Variants in RIC3 observed in about 807,000 individuals in gnomAD.
The protein encoded by RIC3 is RIC3 acetylcholine receptor chaperone.
In RIC3, 28 loss-of-function variants were observed where a neutral mutation model predicts 27.3. That is an observed-to-expected ratio of 1.02 (90% CI 0.76 to 1.41). RIC3 has a LOEUF of 1.41. Ranked by LOEUF, RIC3 falls within the 40% of genes most tolerant of loss-of-function variation. The pLI, the probability that RIC3 is intolerant of heterozygous loss-of-function variation, is 0.00. For synonymous variants in RIC3, 184 were observed against 160.4 expected (o/e 1.15, Z -1.11); for missense variants, 501 against 444.7 (o/e 1.13, Z -1.14).
chr11:8,149,483 G>A (rs1565094938), intron 1 of RIC3, among the ~76,000 whole-genome samples: 1 of 152,218 alleles, frequency 6.6e-6, no homozygotes, highest in African/African-American at 2.4e-5. Context: ...TGATGAGAAG[G>A]GTACTTGATG....
At chr11:8,167,750 TG>T in intron 1 of RIC3, among the ~76,000 whole-genome samples, 1 of 152,074 alleles carries the variant, frequency 6.6e-6, no homozygotes, top group East Asian at 1.9e-4. Flanking sequence ...TAAAAATCTT[TG>T]GGATTATTGC....
intron 5 of RIC3, among the ~76,000 whole-genome samples, chr11:8,122,199 C>A (rs1449380860): frequency 6.6e-6 from 1 of 152,144 alleles, no homozygotes; most frequent in Non-Finnish European, 1.5e-5. Context: ...TTTTCCATCA[C>A]CACAAGGACC....
chr11:8,101,668 C>T (rs1443908344), downstream of RIC3: 1 of 1,600,484 alleles, frequency 6.2e-7, no homozygotes, highest in Non-Finnish European at 8.5e-7. Flanking sequence ...CGGAGCTTGC[C>T]TGCCTGCCTG....
chr11:8,159,971 G>GA (rs1199911591), intron 1 of RIC3, among the ~76,000 whole-genome samples: 6 of 151,110 alleles, frequency 4.0e-5, no homozygotes, highest in African/African-American at 1.2e-4. Context: ...TCCAGCCTGA[G>GA]AAAAAACAAA....
chr11:8,097,518 T>C, the RIC3 span: 1 of 1,529,718 alleles, frequency 6.5e-7, no homozygotes, highest in Non-Finnish European at 9.0e-7. Context: ...TATCTACCAC[T>C]GACCTCTCAG....
chr11:8,115,327 G>C (rs566139077), intron 5 of RIC3, among the ~76,000 whole-genome samples: 1 of 150,204 alleles, frequency 6.7e-6, no homozygotes, highest in South Asian at 2.1e-4. Flanking sequence ...AAAAAAAAAA[G>C]GTCAACCAAG....
intron 1 of RIC3, among the ~76,000 whole-genome samples, chr11:8,165,457 T>C (rs568471590): frequency 2.0e-5 from 3 of 152,176 alleles, no homozygotes; most frequent in African/African-American, 7.2e-5. Context: ...ATGATTTCAT[T>C]TATACCAAAT....
chr11:8,149,799 T>C (rs1259705771), intron 1 of RIC3, among the ~76,000 whole-genome samples: 3 of 152,162 alleles, frequency 2.0e-5, no homozygotes, highest in Non-Finnish European at 4.4e-5. Flanking sequence ...AAACCACGAT[T>C]AGCCTTTCTT....
chr11:8,096,617 C>T, the RIC3 span: 1 of 1,033,182 alleles, frequency 9.7e-7, no homozygotes, highest in Admixed American at 1.7e-5. Context: ...GAGTATGTGA[C>T]CATGTGTATT....
rs965605699 is a variant in RIC3 at position 8,144,924 on chromosome 11, G to A, written c.125-4731C>T. Among the ~76,000 whole-genome samples the A allele has an allele frequency of 2.6e-3, 383 of 145,570 alleles. 4 individuals are homozygous for A. The highest frequency in any genetic ancestry group is 4.5e-3 in the Non-Finnish European group (298 of 66,566). ...AAATCATCATTCTCAGTAAACTATC[G>A]CAAGAACAAAAAACCAAACACCGCA... On this transcript the variant is annotated intron_variant, in intron 1 of 5. Coordinates refer to ENST00000309737, the MANE Select transcript of RIC3 (RefSeq NM_001206671.4).
At chr11:8,101,744 G>A (rs1025081672), downstream of RIC3, 15 of 1,447,334 alleles carry the variant, frequency 1.0e-5, no homozygotes, top group African/African-American at 1.3e-4. Context: ...GCCCTCAGTG[G>A]GCTCCCTGGC....
intron 1 of RIC3, among the ~76,000 whole-genome samples, chr11:8,167,305 T>C (rs1339522936): frequency 1.3e-5 from 2 of 152,188 alleles, no homozygotes; most frequent in East Asian, 3.9e-4. Flanking sequence ...TAGTGATGCC[T>C]ATCATGAAGA....
chr11:8,110,262 C>T lies in RIC3; in HGVS notation c.*436G>A, dbSNP rs1238905910. ...CAGGGGACTACTAACCTGCTCAAGG[C>T]CCAAAGAATAAGGGATCTTGGAGTC... On this transcript the variant is annotated 3_prime_UTR_variant, in exon 6 of 6. Transcript: ENST00000309737. 1.0e-5 allele frequency: 3 copies of T among 299,406 alleles called. No homozygotes were observed. The highest frequency in any genetic ancestry group is 1.7e-4 in the East Asian group (2 of 11,708). 18.5% of individuals were successfully genotyped at this position (299,406 alleles called of 1,614,324 possible).
chr11:8,168,584 G>T (rs1165474975), intron 1 of RIC3, among the ~76,000 whole-genome samples: 2 of 152,186 alleles, frequency 1.3e-5, no homozygotes, highest in East Asian at 3.9e-4. Context: ...AGAGAGAAGG[G>T]ACTGCGCCTA....
chr11:8,143,991 A>G (rs1361042832), intron 1 of RIC3, among the ~76,000 whole-genome samples: 1 of 152,182 alleles, frequency 6.6e-6, no homozygotes, highest in Non-Finnish European at 1.5e-5. Flanking sequence ...GAAAGCTGAA[A>G]CTGGATCCCT....
At position 8,138,331 on chromosome 11, in the gene RIC3, G is replaced by C; in HGVS notation, c.368C>G (p.Thr123Arg). The change falls in exon 3 of 6, where the codon ACA becomes AGA. Residue 123 changes from threonine (T) to arginine (R), a missense_variant. By Grantham distance (71) the Thr-to-Arg change is moderately conservative (BLOSUM62 -1). Coordinates refer to ENST00000309737, the MANE Select transcript of RIC3 (RefSeq NM_001206671.4). ...ATAGCATTTCCCATCCTCTGCAGTT[G>C]TTTTCCCCTTTGAGAGCTGAGAATT... ...YILFKLSKGK[T>R]TAEDGKCYTA... 6.2e-7 allele frequency: 1 copy of C among 1,612,966 alleles called. No individual in the cohort carries two copies. Among genetic ancestry groups the C allele is most frequent in the Non-Finnish European group, 8.5e-7 (1 of 1,179,190 alleles).
intron 5 of RIC3, among the ~76,000 whole-genome samples, chr11:8,113,035 C>G (rs773237443): frequency 6.6e-6 from 1 of 152,200 alleles, no homozygotes; most frequent in African/African-American, 2.4e-5. Context: ...ACACCCTCAC[C>G]AGCACTCACA....
chr11:8,144,182 A>T (rs1949395111), intron 1 of RIC3, among the ~76,000 whole-genome samples: 1 of 151,998 alleles, frequency 6.6e-6, no homozygotes, highest in African/African-American at 2.4e-5. Context: ...GTCAAATGGG[A>T]TCTAATGAAA....
At chr11:8,138,191 A>G in intron 3 of RIC3, 81 bp downstream of exon 3, 1 of 968,152 alleles carries the variant, frequency 1.0e-6, no homozygotes, top group Admixed American at 2.0e-5. Context: ...TGCTTTTAAG[A>G]CATACCCACA....
Sources: gnomAD v4.1 joint callset for allele counts (sites outside exome capture counted in the v4.1 genomes callset) on GRCh38, gnomAD v4.1.1 for gene constraint, MANE v1.5 for transcripts, NCBI Gene and HGNC (gene_info 2026-07-23, HGNC 2026-07-21) for gene names.